The following ALMS1 variants were observed in gnomAD, a reference collection of about 807,000 sequenced individuals.
ALMS1 encodes centrosome-associated protein ALMS1.
ALMS1 carries 271 observed loss-of-function variants against 352.2 expected under a neutral mutation model. That is an observed-to-expected ratio of 0.77 (90% confidence interval 0.70 to 0.85). The LOEUF (loss-of-function observed/expected upper bound fraction) is 0.85. Ranked by LOEUF, ALMS1 falls within the 40% of genes least tolerant of loss-of-function variation. The pLI is 0.00. For missense variants in ALMS1, 5,445 were observed against 4,870.7 expected (o/e 1.12, Z -3.51); for synonymous variants, 1,865 against 1,761.2 (o/e 1.06, Z -1.48).
At chr2:73,462,965 T>G (rs565120690) in intron 9 of ALMS1, among the ~76,000 whole-genome samples, 57 of 152,142 alleles carry the variant, frequency 3.7e-4, no homozygotes, top group African/African-American at 6.5e-4. Flanking sequence ...AGCAAGTCCT[T>G]AGTGACCTAC....
chr2:73,527,105 C>T (rs971056106), intron 11 of ALMS1, among the ~76,000 whole-genome samples: 3 of 152,134 alleles, frequency 2.0e-5, no homozygotes, highest in African/African-American at 7.2e-5. Flanking sequence ...ATCCTTGCAT[C>T]CCTGGGATGA....
Position 73,572,358 on chromosome 2 carries a change from A to G in ALMS1, c.10481A>G (p.Gln3494Arg), listed in dbSNP as rs1553418430. 6.2e-7 allele frequency: 1 copy of G among 1,608,590 alleles called. No individual in the cohort carries two copies. The highest frequency in any genetic ancestry group is 8.5e-7 in the Non-Finnish European group (1 of 1,177,868). Residue 3494 changes from glutamine (Q) to arginine (R), a missense_variant, in exon 16 of 23, where the codon CAA becomes CGA. Physicochemically the swap from Gln to Arg is conservative, Grantham distance 43. Transcript: ENST00000613296. Reference sequence around the variant, plus strand: ...CATCCCGTACACCTACCAAGTGATCAAGATATTTGCCATGAATCTTTGGGA... The same window carrying G: ...CATCCCGTACACCTACCAAGTGATCGAGATATTTGCCATGAATCTTTGGGA... ...IHHPVHLPSD[Q>R]DICHESLGKS...
At chr2:73,609,536 A>G (rs1369120865) in intron 22 of ALMS1, 32 bp from the exon 23 acceptor site, 7 of 1,612,020 alleles carry the variant, frequency 4.3e-6, no homozygotes, top group East Asian at 4.5e-5. Flanking sequence ...AGTAATATCT[A>G]ACTTCTTTCC....
At chr2:73,431,956 G>A (rs1371321548) in intron 6 of ALMS1, among the ~76,000 whole-genome samples, 1 of 152,088 alleles carries the variant, frequency 6.6e-6, no homozygotes, top group Non-Finnish European at 1.5e-5. Context: ...GGATGATTTA[G>A]TCTTCTAGAG....
chr2:73,544,656 A>G (rs1170652856), intron 12 of ALMS1, among the ~76,000 whole-genome samples: 4 of 152,210 alleles, frequency 2.6e-5, no homozygotes, highest in Non-Finnish European at 5.9e-5. Flanking sequence ...CTATTCCTCA[A>G]AAAATTAAAC....
At chr2:73,468,290 A>G (rs1456838216) in intron 9 of ALMS1, among the ~76,000 whole-genome samples, 1 of 151,584 alleles carries the variant, frequency 6.6e-6, no homozygotes, top group Non-Finnish European at 1.5e-5. Flanking sequence ...ATAGAGAAAT[A>G]CACTGTATTT....
At chr2:73,442,826 C>T (rs570748556) in intron 7 of ALMS1, among the ~76,000 whole-genome samples, 35 of 152,292 alleles carry the variant, frequency 2.3e-4, no homozygotes, top group African/African-American at 7.7e-4. Flanking sequence ...ATATCTCATA[C>T]TCCAAATGTT....
chr2:73,464,695 C>A (rs1672290027), intron 9 of ALMS1, among the ~76,000 whole-genome samples: 1 of 152,120 alleles, frequency 6.6e-6, no homozygotes, highest in Non-Finnish European at 1.5e-5. Flanking sequence ...ATCTAGAAAA[C>A]CCCGTTGTCT....
At chr2:73,510,953 A>T (rs1250932474) in intron 10 of ALMS1, among the ~76,000 whole-genome samples, 1 of 152,190 alleles carries the variant, frequency 6.6e-6, no homozygotes, top group South Asian at 2.1e-4. Context: ...GGCTTCACCC[A>T]GTTGGAAATT....
In ALMS1 at chr2:73,520,033, G is replaced by A. The variant is rs1673645390; in HGVS notation, c.9781+17G>A. The stretch of plus-strand genomic sequence containing the variant: ...GCACAGATGGTAAGAGAATGTGATT[G>A]CATTTTAGATTGTTAGACCAGCTCT... On this transcript the variant is annotated intron_variant, in intron 11 of 22. Coordinates refer to ENST00000613296, the MANE Select transcript of ALMS1 (RefSeq NM_001378454.1). 3 of 1,614,012 alleles carry A rather than the reference G, an allele frequency of 1.9e-6. No homozygotes were observed. Among genetic ancestry groups the A allele is most frequent in the Non-Finnish European group, 1.7e-6 (2 of 1,179,902 alleles).
intron 12 of ALMS1, among the ~76,000 whole-genome samples, chr2:73,539,075 C>G (rs1674100402): frequency 6.6e-6 from 1 of 152,200 alleles, no homozygotes; most frequent in Non-Finnish European, 1.5e-5. Flanking sequence ...TGAGAACGGA[C>G]AGATTACCTC....
chr2:73,567,087 A>G (rs1466923935), intron 15 of ALMS1, among the ~76,000 whole-genome samples: 1 of 152,166 alleles, frequency 6.6e-6, no homozygotes, highest in African/African-American at 2.4e-5. Context: ...GTGCCATTAC[A>G]TAGGCAATAT....
In ALMS1 at chr2:73,573,065, A is replaced by C; in HGVS notation, c.11188A>C (p.Ile3730Leu). Residue 3730 changes from isoleucine (I) to leucine (L), a missense_variant, in exon 16 of 23, where the codon ATA (isoleucine) becomes CTA (leucine). Coordinates refer to ENST00000613296, the MANE Select transcript of ALMS1 (RefSeq NM_001378454.1). ...ILSKQPGFNY[I>L]SNTSSDCRPS... Reference sequence around the variant, plus strand: ...GAGTAAACAGCCAGGTTTTAATTATATAAGCAACACTTCTTCGGATTGTCG... The same window carrying C: ...GAGTAAACAGCCAGGTTTTAATTATCTAAGCAACACTTCTTCGGATTGTCG... 3 of 1,614,110 alleles carry C rather than the reference A, an allele frequency of 1.9e-6. No homozygotes were observed. The highest frequency in any genetic ancestry group is 2.5e-6 in the Non-Finnish European group (3 of 1,180,004).
chr2:73,553,438 G>T (rs1339911396), intron 13 of ALMS1, among the ~76,000 whole-genome samples: 4 of 152,128 alleles, frequency 2.6e-5, no homozygotes, highest in African/African-American at 9.7e-5. Context: ...GGAAAAAGTC[G>T]AATTTGTAGG....
chr2:73,480,570 T>G (rs1276221237), intron 9 of ALMS1, among the ~76,000 whole-genome samples: 1 of 151,880 alleles, frequency 6.6e-6, no homozygotes, highest in Non-Finnish European at 1.5e-5. Flanking sequence ...GCATGATTTA[T>G]AGTCCTTTGG....
intron 10 of ALMS1, among the ~76,000 whole-genome samples, chr2:73,499,308 T>A (rs1039512103): frequency 6.6e-6 from 1 of 152,184 alleles, no homozygotes; most frequent in Non-Finnish European, 1.5e-5. Flanking sequence ...GTTGTCTTCT[T>A]CACTTTATTG....
At chr2:73,479,266 G>A (rs1406269433) in intron 9 of ALMS1, among the ~76,000 whole-genome samples, 1 of 151,992 alleles carries the variant, frequency 6.6e-6, no homozygotes, top group Non-Finnish European at 1.5e-5. Context: ...CATAACTGTG[G>A]TGATATATCA....
chr2:73,396,605 C>T (rs1572898154), intron 1 of ALMS1, among the ~76,000 whole-genome samples: 1 of 81,458 alleles, frequency 1.2e-5, no homozygotes. Flanking sequence ...ATTACTAAAT[C>T]ACTCTTTTTT....
intron 15 of ALMS1, among the ~76,000 whole-genome samples, chr2:73,570,496 T>A (rs10197755): frequency 0.3 from 45,977 of 151,554 alleles, 8,540 homozygotes; most frequent in African/African-American, 0.53. Flanking sequence ...GGAATTGGGG[T>A]AGGGAGAGAG....
Sources: gnomAD v4.1 joint callset for allele counts (sites outside exome capture counted in the v4.1 genomes callset) on GRCh38, gnomAD v4.1.1 for gene constraint, MANE v1.5 for transcripts, NCBI Gene and HGNC (gene_info 2026-07-23, HGNC 2026-07-21) for gene names.